Variants in FGGY observed in about 807,000 individuals in gnomAD.
The protein encoded by FGGY is FGGY carbohydrate kinase domain-containing protein.
A neutral mutation model predicts 71.3 loss-of-function variants in FGGY; 72 were observed. The observed-to-expected ratio is 1.01, with a 90% CI of 0.84 to 1.23. The LOEUF is 1.23. Ranked by LOEUF, FGGY falls within the 50% of genes most tolerant of loss-of-function variation. FGGY has a pLI of 0.00. For synonymous variants in FGGY, 251 were observed against 250.3 expected, an observed-to-expected ratio of 1.00 and a Z score of -0.02; for missense variants, 668 against 682.3, an observed-to-expected ratio of 0.98 and a Z score of 0.23.
intron 7 of FGGY, among the ~76,000 whole-genome samples, chr1:59,547,569 T>C (rs915353776): frequency 6.6e-6 from 1 of 152,198 alleles, no homozygotes; most frequent in Non-Finnish European, 1.5e-5. Context: ...TCCTTTTCTC[T>C]ATTTGTAAAT....
Position 59,546,610 on chromosome 1 carries a change from A to G in FGGY, c.800-7514A>G, listed in dbSNP as rs181739554. Among the ~76,000 whole-genome samples the G allele has an allele frequency of 2.3e-4, 35 of 150,410 alleles. No individual in the cohort carries two copies. In the East Asian group the frequency reaches 4.2e-3, roughly 18 times the overall value. On this transcript the variant is annotated intron_variant, in intron 7 of 15. Transcript: ENST00000303721. ...AATGGCGCGATCTCGGCTCACTGCA[A>G]TCTCCGGCTCAGTGCAAGCTCTGCT...
chr1:59,371,242 G>A (rs1218251537), intron 4 of FGGY, among the ~76,000 whole-genome samples: 2 of 151,964 alleles, frequency 1.3e-5, no homozygotes, highest in Admixed American at 6.6e-5. Flanking sequence ...ACAAAAAAAG[G>A]CAGGGGTTGC....
intron 11 of FGGY, chr1:59,641,411 T>A: frequency 7.2e-7 from 1 of 1,382,512 alleles, no homozygotes. Flanking sequence ...ATTGAATACC[T>A]GCTATGTGCA....
Position 59,595,518 on chromosome 1 carries a change from A to G in FGGY, c.904-12285A>G, listed in dbSNP as rs952872424. 4.6e-5 allele frequency among the ~76,000 whole-genome samples: 7 copies of G among 151,962 alleles called. 1 individual carries two copies. The highest frequency in any genetic ancestry group is 4.6e-4 in the Admixed American group (7 of 15,260). Reference sequence around the variant, plus strand: ...AGCCTAGCCAATATGGCGAAACCCCATCTCTACTGAAAATACAAAAAATTA... The same window carrying G: ...AGCCTAGCCAATATGGCGAAACCCCGTCTCTACTGAAAATACAAAAAATTA... On this transcript the variant is annotated intron_variant, in intron 8 of 15. Coordinates refer to ENST00000303721, the MANE Select transcript of FGGY (RefSeq NM_018291.5).
chr1:59,513,720 G>T lies in FGGY; in HGVS notation c.799+1281G>T, dbSNP rs141567494. ...TCCTTCATGCCAAGCCCTATGTCTG[G>T]TTCCTATAGCTGCTTATTAAGTTTA... On this transcript the variant is annotated intron_variant, in intron 7 of 15. Coordinates refer to ENST00000303721, the MANE Select transcript of FGGY (RefSeq NM_018291.5). Among the ~76,000 whole-genome samples, 833 of 152,240 alleles carry T rather than the reference G, an allele frequency of 5.5e-3. 6 individuals carry two copies. The highest frequency in any genetic ancestry group is 0.019 in the African/African-American group (802 of 41,538).
intron 14 of FGGY, among the ~76,000 whole-genome samples, chr1:59,728,590 A>G (rs895673632): frequency 1.3e-5 from 2 of 150,150 alleles, no homozygotes; most frequent in South Asian, 2.1e-4. Context: ...TCTCCTTTCA[A>G]TAAATTTTTA....
At chr1:59,416,974 C>A (rs1490557312) in intron 5 of FGGY, among the ~76,000 whole-genome samples, 1 of 152,122 alleles carries the variant, frequency 6.6e-6, no homozygotes, top group Non-Finnish European at 1.5e-5. Flanking sequence ...AGATATAATT[C>A]ATATACCCTA....
At chr1:59,518,741 G>A (rs1305157705) in intron 7 of FGGY, among the ~76,000 whole-genome samples, 2 of 152,122 alleles carry the variant, frequency 1.3e-5, no homozygotes, top group African/African-American at 4.8e-5. Context: ...TGCCATGATC[G>A]TAAGTTTCCT....
chr1:59,370,688 T>G (rs2057449160), intron 4 of FGGY, among the ~76,000 whole-genome samples: 1 of 151,588 alleles, frequency 6.6e-6, no homozygotes, highest in African/African-American at 2.4e-5. Flanking sequence ...GGGAAGCCCA[T>G]CAGACTAACA....
At chr1:59,510,932 A>C (rs925040255) in intron 6 of FGGY, among the ~76,000 whole-genome samples, 7 of 152,216 alleles carry the variant, frequency 4.6e-5, no homozygotes, top group Non-Finnish European at 8.8e-5. Context: ...AACTGAATTT[A>C]ATATCAGTTT....
chr1:59,353,367 A>G (rs555175452), intron 4 of FGGY, among the ~76,000 whole-genome samples: 16 of 152,324 alleles, frequency 1.1e-4, no homozygotes, highest in African/African-American at 3.6e-4. Flanking sequence ...AAAATATCCT[A>G]TTTCATGGGG....
At chr1:59,360,410 T>C (rs2055262041) in intron 4 of FGGY, among the ~76,000 whole-genome samples, 2 of 152,166 alleles carry the variant, frequency 1.3e-5, no homozygotes, top group South Asian at 4.1e-4. Flanking sequence ...TGAATCACTG[T>C]ACAAGTATTT....
intron 7 of FGGY, among the ~76,000 whole-genome samples, chr1:59,514,372 G>A (rs1271822418): frequency 6.6e-6 from 1 of 152,136 alleles, no homozygotes; most frequent in Non-Finnish European, 1.5e-5. Flanking sequence ...CTTCCCTCAG[G>A]GACGTGCCAA....
rs143590363 is a variant in FGGY at position 59,469,595 on chromosome 1, T to TA, written c.670+12519_670+12520insA. 8.2e-3 allele frequency among the ~76,000 whole-genome samples: 1,239 copies of TA among 150,966 alleles called. 15 individuals carry two copies. Among genetic ancestry groups the TA allele is most frequent in the African/African-American group, 0.028 (1,161 of 41,336 alleles). ...TTAATATGCTGAGCTTTTATTCATATTTTTTTTTAACTTTTAAGTTCAAGG... is the reference window on the plus strand; with the variant it reads ...TTAATATGCTGAGCTTTTATTCATATATTTTTTTTAACTTTTAAGTTCAAGG... On this transcript the variant is annotated intron_variant, in intron 6 of 15. Transcript: ENST00000303721.
intron 10 of FGGY, among the ~76,000 whole-genome samples, chr1:59,629,879 C>T (rs905784965): frequency 2.0e-5 from 3 of 152,136 alleles, no homozygotes; most frequent in African/African-American, 7.2e-5. Context: ...ATATATTTGA[C>T]GGGGCCTTGT....
At chr1:59,656,491 T>C (rs1199453878) in intron 11 of FGGY, among the ~76,000 whole-genome samples, 1 of 152,228 alleles carries the variant, frequency 6.6e-6, no homozygotes, top group Admixed American at 6.5e-5. Context: ...TTGACTGGGC[T>C]GAGGTCCCTG....
intron 5 of FGGY, among the ~76,000 whole-genome samples, chr1:59,437,660 C>T (rs776234021): frequency 1.3e-5 from 2 of 152,188 alleles, no homozygotes; most frequent in African/African-American, 4.8e-5. Context: ...TATATATGTG[C>T]ACATATCAGT....
In FGGY at chr1:59,325,360, C is replaced by T. The variant is rs552213796; in HGVS notation, c.201+3610C>T. Among the ~76,000 whole-genome samples the T allele has an allele frequency of 4.3e-3, 539 of 126,422 alleles. 3 individuals are homozygous for T. The highest frequency in any genetic ancestry group is 0.016 in the African/African-American group (513 of 32,194). 82.9% of individuals were successfully genotyped at this position (126,422 alleles called of 152,430 possible). On this transcript the variant is annotated intron_variant, in intron 2 of 15. Transcript: ENST00000303721. ...AGACAGAGTGGGACTCCGTGTCCAA[C>T]AACAGCAACAACAACAACAACAACA...
chr1:59,363,782 G>A (rs565176955), intron 4 of FGGY, among the ~76,000 whole-genome samples: 8 of 152,182 alleles, frequency 5.3e-5, no homozygotes, highest in African/African-American at 1.7e-4. Flanking sequence ...TCAAGGACCC[G>A]TGACAAAACA....
Sources: gnomAD v4.1 joint callset for allele counts (sites outside exome capture counted in the v4.1 genomes callset) on GRCh38, gnomAD v4.1.1 for gene constraint, MANE v1.5 for transcripts, NCBI Gene and HGNC (gene_info 2026-07-23, HGNC 2026-07-21) for gene names.